The following ADGRE2 variants were observed in gnomAD, a reference collection of about 807,000 sequenced individuals.
The protein encoded by ADGRE2 is adhesion G protein-coupled receptor E2, also known as CD97 antigen.
Under a neutral mutation model 100.8 loss-of-function variants are expected in ADGRE2, and 83 were observed. The observed-to-expected ratio is 0.82, with a 90% CI of 0.69 to 0.99. The LOEUF (loss-of-function observed/expected upper bound fraction) is 0.99. Ranked by LOEUF, ADGRE2 falls within the 50% of genes least tolerant of loss-of-function variation. The probability of loss-of-function intolerance (pLI) is 0.00; values close to 1 mark genes in which losing one functional copy is unlikely to be tolerated. For missense variants in ADGRE2, 814 were observed against 1,035.7 expected, an observed-to-expected ratio of 0.79 and a Z score of 2.94; for synonymous variants, 355 against 413.0, an observed-to-expected ratio of 0.86 and a Z score of 1.70.
intron 18 of ADGRE2, among the ~76,000 whole-genome samples, chr19:14,745,681 C>T (rs936673284): frequency 2.6e-5 from 4 of 151,734 alleles, no homozygotes; most frequent in South Asian, 2.1e-4. Context: ...CTCGGCTCAC[C>T]GCAACCTCCG....
At chr19:14,759,171 G>T (rs2043611364) in intron 11 of ADGRE2, among the ~76,000 whole-genome samples, 1 of 152,020 alleles carries the variant, frequency 6.6e-6, no homozygotes, top group Non-Finnish European at 1.5e-5. Context: ...GGTTGACAAA[G>T]ATAAAGGAAG....
chr19:14,753,324 G>A (rs565454914), intron 14 of ADGRE2, among the ~76,000 whole-genome samples: 1 of 152,068 alleles, frequency 6.6e-6, no homozygotes, highest in Admixed American at 6.6e-5. Context: ...ACCCACTGCC[G>A]CTTACAGGCT....
chr19:14,744,406 T>A (rs918690574), intron 18 of ADGRE2, among the ~76,000 whole-genome samples: 17 of 152,202 alleles, frequency 1.1e-4, no homozygotes, highest in Admixed American at 9.2e-4. Context: ...TGCACAAGGG[T>A]GCCTGGAACA....
chr19:14,736,201 G>C lies in ADGRE2; in HGVS notation c.*35C>G, dbSNP rs1859258. The C allele has an allele frequency of 0.24, 365,706 of 1,555,750 alleles. 45,019 individuals are homozygous for C. Among genetic ancestry groups the C allele is most frequent in the Non-Finnish European group, 0.24 (273,098 of 1,129,422 alleles). On this transcript the variant is annotated 3_prime_UTR_variant, in exon 21 of 21. Coordinates refer to ENST00000315576, the MANE Select transcript of ADGRE2 (RefSeq NM_013447.4). Reference sequence around the variant, plus strand: ...CTCAAAGATTGTTCAGATTTTCCACGGGCAAAGAGGGAAGATCTTATTCAG... The same window carrying C: ...CTCAAAGATTGTTCAGATTTTCCACCGGCAAAGAGGGAAGATCTTATTCAG...
At chr19:14,760,563 C>CAATAT (rs2043679707) in intron 11 of ADGRE2, among the ~76,000 whole-genome samples, 2 of 152,040 alleles carry the variant, frequency 1.3e-5, no homozygotes, top group Admixed American at 1.3e-4. Flanking sequence ...AGTTATTCAA[C>CAATAT]CCAAAATGTG....
intron 20 of ADGRE2, chr19:14,742,044 C>T (rs1236574261): frequency 1.0e-5 from 4 of 398,364 alleles, no homozygotes; most frequent in African/African-American, 8.2e-5. Context: ...CTGCTTTGGC[C>T]TCCCAGAGTG....
intron 20 of ADGRE2, among the ~76,000 whole-genome samples, chr19:14,740,222 TTGTGTG>T (rs141784493): frequency 6.7e-6 from 1 of 149,328 alleles, no homozygotes; most frequent in African/African-American, 2.4e-5. Flanking sequence ...TGACTTGGAT[TTGTGTG>T]TGTGTGTGTG....
chr19:14,773,114 AAAAGAAAAATAAGGGAG>A (rs1468762019), intron 4 of ADGRE2, among the ~76,000 whole-genome samples: 1 of 150,330 alleles, frequency 6.7e-6, no homozygotes, highest in Non-Finnish European at 1.5e-5. Flanking sequence ...AAAAAAAGAA[AAAAGAAAAATAAGGGAG>A]AAAAAAAAAC....
Position 14,743,730 on chromosome 19 carries a change from A to G in ADGRE2, c.2238T>C (p.Cys746=), listed in dbSNP as rs766275544. 2 of 1,614,182 alleles carry G rather than the reference A, an allele frequency of 1.2e-6. No individual in the cohort carries two copies. Among genetic ancestry groups the G allele is most frequent in the Admixed American group, 1.7e-5 (1 of 60,020 alleles). ...CCGGACCCACCTGCAAGATGCCCAG[A>G]CACCACGTGCAGCCCAGGATGAACA... ...AQLFILGCTW[C]LGILQVGPAA... The change falls in exon 19 of 21, where the codon TGT becomes TGC. Residue 746 remains cysteine (C), a synonymous_variant. Transcript: ENST00000315576.
At chr19:14,757,831 T>G (rs1396821930) in intron 11 of ADGRE2, among the ~76,000 whole-genome samples, 1 of 152,074 alleles carries the variant, frequency 6.6e-6, no homozygotes, top group South Asian at 2.1e-4. Context: ...TGGGACAGAG[T>G]CTTGCTCTGT....
In ADGRE2 at chr19:14,755,833, A is replaced by C. The variant is rs1230520895; in HGVS notation, c.1237T>G (p.Leu413Val). Reference sequence around the variant, plus strand: ...AGGACCAGAGGGGCCTCAGCCAGCAACTTGCCCATCCCTGGAATGGAGACA... The same window carrying C: ...AGGACCAGAGGGGCCTCAGCCAGCACCTTGCCCATCCCTGGAATGGAGACA... ...GLVSIPGMGK[L>V]LAEAPLVLEP... The change falls in exon 13 of 21, where the codon TTG becomes GTG. Residue 413 changes from leucine (L) to valine (V), a missense_variant. Leu to Val is a conservative substitution (Grantham distance 32, BLOSUM62 1). This residue lies in a region of ADGRE2 where 569 missense variants were observed against 692.7 expected (regional missense o/e 0.82). Coordinates refer to ENST00000315576, the MANE Select transcript of ADGRE2 (RefSeq NM_013447.4). The C allele has an allele frequency of 3.1e-6, 5 of 1,614,180 alleles. No individual in the cohort carries two copies. Among genetic ancestry groups the C allele is most frequent in the Middle Eastern group, 1.7e-4 (1 of 6,054 alleles).
At chr19:14,726,116 C>T in the ADGRE2 span, among the ~76,000 whole-genome samples, 2 of 152,186 alleles carry the variant, frequency 1.3e-5, no homozygotes, top group Non-Finnish European at 2.9e-5. Context: ...CTTAATACTA[C>T]CTGGAACCAC....
At position 14,735,655 on chromosome 19, in the gene ADGRE2, C is replaced by A. The variant is rs1323938373; in HGVS notation, c.*581G>T. 6.6e-6 allele frequency: 1 copy of A among 152,188 alleles called. No individual in the cohort carries two copies. Among genetic ancestry groups the A allele is most frequent in the Non-Finnish European group, 1.5e-5 (1 of 68,044 alleles). The allele number at this position is 152,188 out of a possible 1,614,324, so 9.4% of individuals were successfully genotyped here. A position where few individuals can be genotyped will look rare whatever the true frequency, so the allele number is the denominator to read the frequency against. On this transcript the variant is annotated 3_prime_UTR_variant, in exon 21 of 21. Transcript: ENST00000315576. ...AGGAATTTCGGCTTCTGAGTCAACT[C>A]TAGCTGCAAGAGCCACTTCATTTTC...
At chr19:14,738,992 A>G (rs967852586) in intron 20 of ADGRE2, among the ~76,000 whole-genome samples, 3 of 139,482 alleles carry the variant, frequency 2.2e-5, no homozygotes, top group Non-Finnish European at 4.6e-5. Context: ...TTTTTGAGAC[A>G]TAGTCTCACT....
chr19:14,766,249 T>C lies in ADGRE2; in HGVS notation c.620A>G (p.Asn207Ser). 1.2e-6 allele frequency: 2 copies of C among 1,614,022 alleles called. No individual in the cohort carries two copies. Among genetic ancestry groups the C allele is most frequent in the Non-Finnish European group, 1.7e-6 (2 of 1,180,000 alleles). Residue 207 changes from asparagine (N) to serine (S), a missense_variant, in exon 7 of 21, where the codon AAT (asparagine) becomes AGT (serine). Physicochemically the swap from Asn to Ser is conservative, Grantham distance 46. Around this residue, in one of 5 missense-constraint regions of ADGRE2, gnomAD observed 69 missense variants for 75.3 expected, o/e 0.92. Transcript: ENST00000315576. ...GAGCTCTCGACCTTCACAGACGGTA[T>C]TGTTTGGGCCATTGGGGGACCCCGG... Reference protein sequence around the residue: ...PIPGSPNGPNNTVCEDVDECS... With the variant: ...PIPGSPNGPNSTVCEDVDECS...
At chr19:14,762,248 T>C (rs1170469650) in intron 11 of ADGRE2, among the ~76,000 whole-genome samples, 2 of 150,106 alleles carry the variant, frequency 1.3e-5, no homozygotes, top group Non-Finnish European at 3.0e-5. Flanking sequence ...CATCAATGGA[T>C]GGATGGATAA....
intron 4 of ADGRE2, among the ~76,000 whole-genome samples, chr19:14,773,550 T>C (rs1403055321): frequency 6.6e-6 from 1 of 151,570 alleles, no homozygotes. Flanking sequence ...CTCACTCTGT[T>C]GCCCAGGCTA....
intron 15 of ADGRE2, among the ~76,000 whole-genome samples, chr19:14,751,932 T>TATATA (rs1491431762): frequency 1.4e-4 from 7 of 51,100 alleles, no homozygotes; most frequent in African/African-American, 5.1e-4. Flanking sequence ...TATATATATA[T>TATATA]TTTTTTTTTT....
chr19:14,772,069 C>T (rs1311722350), intron 5 of ADGRE2: 6 of 498,650 alleles, frequency 1.2e-5, no homozygotes, highest in South Asian at 4.9e-5. Flanking sequence ...AACCAAGGCT[C>T]TAAGAGCAGT....
Sources: gnomAD v4.1 joint callset for allele counts (sites outside exome capture counted in the v4.1 genomes callset) on GRCh38, gnomAD v4.1.1 for gene constraint, gnomAD v4.1.1 regional missense constraint, MANE v1.5 for transcripts, NCBI Gene and HGNC (gene_info 2026-07-23, HGNC 2026-07-21) for gene names.